Variants in CPA6 observed in about 807,000 individuals in gnomAD.
CPA6 encodes the protein carboxypeptidase A6.
In CPA6, 58 loss-of-function variants were observed where a neutral mutation model predicts 63.3. That is an observed-to-expected ratio of 0.92 (90% CI 0.74 to 1.14). The LOEUF (loss-of-function observed/expected upper bound fraction) is 1.14, where lower values mean the gene tolerates loss of function less well. Among genes scored for constraint, CPA6 ranks in the 50% most tolerant of loss-of-function variants. The pLI, the probability that CPA6 is intolerant of heterozygous loss-of-function variation, is 0.00. For synonymous variants in CPA6, 185 were observed against 179.0 expected, an observed-to-expected ratio of 1.03 and a Z score of -0.27; for missense variants, 565 against 526.6, an observed-to-expected ratio of 1.07 and a Z score of -0.71.
At position 67,449,510 on chromosome 8, in the gene CPA6, A is replaced by G. The variant is rs112314593; in HGVS notation, c.839-15270T>C. Among the ~76,000 whole-genome samples the G allele has an allele frequency of 2.4e-3, 372 of 152,314 alleles. 2 individuals are homozygous for G. Among genetic ancestry groups the G allele is most frequent in the Non-Finnish European group, 2.7e-3 (181 of 68,024 alleles). ...AAAAGCAGAATACAAAATCAAAAAA[A>G]CCTTCATTGAGATTCTAACTGGAAT... On this transcript the variant is annotated intron_variant, in intron 8 of 10. Transcript: ENST00000297770.
intron 1 of CPA6, among the ~76,000 whole-genome samples, chr8:67,733,221 A>T (rs2553675): frequency 2.9e-4 from 24 of 83,440 alleles, no homozygotes; most frequent in South Asian, 2.6e-3. Context: ...AAAAAAAAAA[A>T]AAATAAAAAA....
intron 2 of CPA6, among the ~76,000 whole-genome samples, chr8:67,607,013 A>G (rs1318232468): frequency 6.6e-6 from 1 of 152,056 alleles, no homozygotes; most frequent in African/African-American, 2.4e-5. Context: ...ATTTTCTCCT[A>G]GGAAGTTTCA....
chr8:67,467,915 A>G (rs56971290), intron 8 of CPA6, among the ~76,000 whole-genome samples: 67,913 of 147,678 alleles, frequency 0.46, 17,265 homozygotes, highest in African/African-American at 0.71. Context: ...AAAATTAGCC[A>G]GGTGTGGTGG....
chr8:67,518,094 G>T (rs1401412344), intron 2 of CPA6, 47 bp from the exon 3 acceptor site: 13 of 1,480,726 alleles, frequency 8.8e-6, no homozygotes, highest in Non-Finnish European at 1.1e-5. Context: ...CGTAGGGGGG[G>T]AAAATCTGTG....
At chr8:67,472,262 A>G (rs1373583032) in intron 8 of CPA6, among the ~76,000 whole-genome samples, 2 of 151,800 alleles carry the variant, frequency 1.3e-5, no homozygotes, top group African/African-American at 4.8e-5. Flanking sequence ...TAGTGTCCCA[A>G]GAGCCAAGGG....
intron 1 of CPA6, among the ~76,000 whole-genome samples, chr8:67,702,962 C>T (rs912822682): frequency 6.6e-6 from 1 of 152,192 alleles, no homozygotes; most frequent in Non-Finnish European, 1.5e-5. Context: ...AACTTTCACT[C>T]CTACTCCAAA....
At chr8:67,540,935 T>C (rs554250924) in intron 2 of CPA6, among the ~76,000 whole-genome samples, 2 of 152,332 alleles carry the variant, frequency 1.3e-5, no homozygotes, top group African/African-American at 4.8e-5. Flanking sequence ...CTTAGCTTGC[T>C]GGGCTCCATG....
chr8:67,446,806 T>A (rs1810426869), intron 8 of CPA6, among the ~76,000 whole-genome samples: 1 of 152,182 alleles, frequency 6.6e-6, no homozygotes, highest in Non-Finnish European at 1.5e-5. Flanking sequence ...CTTTTTTACT[T>A]GCATCTCCCA....
intron 2 of CPA6, among the ~76,000 whole-genome samples, chr8:67,576,332 A>T (rs1019868286): frequency 3.9e-5 from 6 of 152,070 alleles, no homozygotes; most frequent in African/African-American, 1.2e-4. Context: ...GTATATAATT[A>T]AAAAAAACAT....
chr8:67,726,434 A>G (rs1315042543), intron 1 of CPA6, among the ~76,000 whole-genome samples: 1 of 152,200 alleles, frequency 6.6e-6, no homozygotes, highest in African/African-American at 2.4e-5. Context: ...GGTTCTAACG[A>G]TGGCTATTAT....
At chr8:67,659,259 C>G (rs1816055967) in intron 1 of CPA6, among the ~76,000 whole-genome samples, 1 of 152,170 alleles carries the variant, frequency 6.6e-6, no homozygotes, top group Non-Finnish European at 1.5e-5. Flanking sequence ...AGTTCAAATT[C>G]AGATTACACC....
intron 8 of CPA6, among the ~76,000 whole-genome samples, chr8:67,459,205 A>G (rs988255372): frequency 1.3e-5 from 2 of 152,072 alleles, no homozygotes; most frequent in African/African-American, 2.4e-5. Context: ...TTGTATTTTT[A>G]GTAGAGATGG....
At chr8:67,589,175 T>G (rs192822838) in intron 2 of CPA6, among the ~76,000 whole-genome samples, 60 of 152,142 alleles carry the variant, frequency 3.9e-4, no homozygotes, top group African/African-American at 1.3e-3. Context: ...AAGAAAACCT[T>G]CAGGTGGTAG....
At chr8:67,445,035 G>A (rs1810381094) in intron 8 of CPA6, among the ~76,000 whole-genome samples, 1 of 152,132 alleles carries the variant, frequency 6.6e-6, no homozygotes, top group South Asian at 2.1e-4. Flanking sequence ...GGGGACTTTT[G>A]CTTTAGAAAA....
At chr8:67,617,115 A>G (rs576996587) in intron 2 of CPA6, among the ~76,000 whole-genome samples, 1 of 152,330 alleles carries the variant, frequency 6.6e-6, no homozygotes, top group East Asian at 1.9e-4. Context: ...TTAAAATACT[A>G]CTGCATAAGC....
At chr8:67,705,645 T>C (rs1817118457) in intron 1 of CPA6, among the ~76,000 whole-genome samples, 1 of 152,202 alleles carries the variant, frequency 6.6e-6, no homozygotes, top group Non-Finnish European at 1.5e-5. Flanking sequence ...TCTGAATTCA[T>C]CTTTCCCTTT....
chr8:67,742,957 CAGA>C (rs1259251406), intron 1 of CPA6, among the ~76,000 whole-genome samples: 1 of 151,994 alleles, frequency 6.6e-6, no homozygotes. Flanking sequence ...TTCTGTGACG[CAGA>C]AGATTTTTTT....
chr8:67,720,616 G>A (rs1043077302), intron 1 of CPA6, among the ~76,000 whole-genome samples: 2 of 152,202 alleles, frequency 1.3e-5, no homozygotes, highest in Admixed American at 6.5e-5. Flanking sequence ...AGAAAACTGC[G>A]AGGGCCACAT....
chr8:67,734,368 C>G (rs1489574528), intron 1 of CPA6, among the ~76,000 whole-genome samples: 1 of 151,218 alleles, frequency 6.6e-6, no homozygotes, highest in Non-Finnish European at 1.5e-5. Context: ...AAAAGAAAAC[C>G]CTTATTTTAG....
Sources: allele counts gnomAD v4.1 joint callset (sites outside exome capture counted in the v4.1 genomes callset), GRCh38; gene constraint gnomAD v4.1.1; transcripts MANE v1.5; gene names NCBI Gene and HGNC (gene_info 2026-07-23, HGNC 2026-07-21).